Variants in IQSEC1 observed in about 807,000 individuals in gnomAD.
IQSEC1 encodes IQ motif and SEC7 domain-containing protein 1.
In IQSEC1, 31 loss-of-function variants were observed where a neutral mutation model predicts 91.0. The ratio of observed to expected loss-of-function variants is 0.34; its 90% CI spans 0.26 to 0.46. The LOEUF (loss-of-function observed/expected upper bound fraction) is 0.46. IQSEC1 is among the 20% of genes least tolerant of loss of function. The pLI is 1.00. For synonymous variants in IQSEC1, 699 were observed against 662.6 expected (o/e 1.05, Z -0.84); for missense variants, 1,388 against 1,575.6 (o/e 0.88, Z 2.02).
At chr3:12,927,379 G>C (rs115013251) in intron 3 of IQSEC1, among the ~76,000 whole-genome samples, 1,525 of 151,888 alleles carry the variant, frequency 0.01, 17 homozygotes, top group African/African-American at 0.035. Context: ...GACCCCTGCT[G>C]CCTGGTCCCT....
intron 1 of IQSEC1, among the ~76,000 whole-genome samples, chr3:12,958,606 G>A (rs1223036772): frequency 6.6e-6 from 1 of 152,230 alleles, no homozygotes; most frequent in Non-Finnish European, 1.5e-5. Flanking sequence ...CTAGAGGGAG[G>A]TGAGCTGGCC....
chr3:13,161,583 G>A (rs948482308), intron 2 of IQSEC1, among the ~76,000 whole-genome samples: 4 of 152,178 alleles, frequency 2.6e-5, no homozygotes, highest in South Asian at 2.1e-4. Context: ...CAGCCAAGTC[G>A]TCAGCTGCAT....
At chr3:12,905,069 A>C (rs1694823704) in intron 12 of IQSEC1, among the ~76,000 whole-genome samples, 1 of 152,208 alleles carries the variant, frequency 6.6e-6, no homozygotes, top group Non-Finnish European at 1.5e-5. Context: ...AGGTACACCC[A>C]CAACCATAAC....
chr3:13,029,526 A>G, intron 1 of IQSEC1, among the ~76,000 whole-genome samples: 1 of 152,002 alleles, frequency 6.6e-6, no homozygotes, highest in African/African-American at 2.4e-5. Context: ...CCTATTCACT[A>G]CCCCCTTCCT....
chr3:13,176,960 T>C (rs1354962680), intron 1 of IQSEC1, among the ~76,000 whole-genome samples: 1 of 152,256 alleles, frequency 6.6e-6, no homozygotes, highest in Non-Finnish European at 1.5e-5. Context: ...AACAGGTACA[T>C]ACTGCATTGA....
At chr3:13,276,474 C>G (rs1695683619) in intron 1 of IQSEC1, among the ~76,000 whole-genome samples, 1 of 152,204 alleles carries the variant, frequency 6.6e-6, no homozygotes, top group South Asian at 2.1e-4. Flanking sequence ...TGTATCTGCT[C>G]TCCCTGCACG....
chr3:13,152,775 C>T (rs1486202134), intron 2 of IQSEC1, among the ~76,000 whole-genome samples: 1 of 152,184 alleles, frequency 6.6e-6, no homozygotes, highest in Non-Finnish European at 1.5e-5. Context: ...GAGGCTGAGG[C>T]AGGAGAATCG....
At chr3:13,118,187 T>C (rs564731769) in intron 2 of IQSEC1, among the ~76,000 whole-genome samples, 1 of 152,328 alleles carries the variant, frequency 6.6e-6, no homozygotes, top group South Asian at 2.1e-4. Flanking sequence ...GAATTATATA[T>C]ATCCAAACAT....
chr3:12,993,329 A>C (rs761725503), intron 1 of IQSEC1, among the ~76,000 whole-genome samples: 129 of 152,288 alleles, frequency 8.5e-4, no homozygotes, highest in Middle Eastern at 6.8e-3. Context: ...GCCCTGCCAA[A>C]GCTTCTCCCT....
chr3:12,942,804 C>A (rs1438226103), intron 1 of IQSEC1, among the ~76,000 whole-genome samples: 1 of 152,162 alleles, frequency 6.6e-6, no homozygotes, highest in Non-Finnish European at 1.5e-5. Context: ...CCTGATCCAG[C>A]CTGACTGGTG....
intron 1 of IQSEC1, among the ~76,000 whole-genome samples, chr3:13,029,806 G>T (rs971122886): frequency 2.6e-5 from 4 of 152,222 alleles, no homozygotes; most frequent in Admixed American, 2.6e-4. Flanking sequence ...CCTGGGCTGG[G>T]TCCTCACCTC....
chr3:13,154,669 C>G (rs147635730), intron 2 of IQSEC1, among the ~76,000 whole-genome samples: 3 of 150,698 alleles, frequency 2.0e-5, no homozygotes, highest in Admixed American at 6.7e-5. Context: ...CTCAACAGAA[C>G]GCAGAGTCCT....
intron 1 of IQSEC1, among the ~76,000 whole-genome samples, chr3:13,199,116 T>TGGTGG (rs1201173128): frequency 6.6e-6 from 1 of 151,810 alleles, no homozygotes; most frequent in East Asian, 1.9e-4. Context: ...ACGGGGGAGC[T>TGGTGG]GGTGGGGCAG....
intron 1 of IQSEC1, among the ~76,000 whole-genome samples, chr3:13,255,796 C>G (rs1695275360): frequency 6.6e-6 from 1 of 152,202 alleles, no homozygotes; most frequent in Non-Finnish European, 1.5e-5. Context: ...GCCGGCCTTA[C>G]AGTGTTTCAA....
intron 1 of IQSEC1, among the ~76,000 whole-genome samples, chr3:13,240,150 G>A (rs1432879130): frequency 6.6e-6 from 1 of 152,046 alleles, no homozygotes; most frequent in East Asian, 1.9e-4. Context: ...AAGCTGAGGC[G>A]GGAGGATCAC....
At chr3:13,224,917 G>A (rs1694725808) in intron 1 of IQSEC1, among the ~76,000 whole-genome samples, 1 of 152,224 alleles carries the variant, frequency 6.6e-6, no homozygotes, top group South Asian at 2.1e-4. Flanking sequence ...CCACGGGGAC[G>A]TGTCCAGCAC....
rs1025902415 is a variant in IQSEC1 at position 13,030,773 on chromosome 3, G to C, written c.23+42219C>G. On this transcript the variant is annotated intron_variant, in intron 1 of 13. Coordinates refer to ENST00000613206, the MANE Select transcript of IQSEC1 (RefSeq NM_001134382.3). Reference sequence around the variant, plus strand: ...AAAAGACATTTTTGGAGACCCTTTGGGAGAGCTGAACATGAAAAACAGCAT... The same window carrying C: ...AAAAGACATTTTTGGAGACCCTTTGCGAGAGCTGAACATGAAAAACAGCAT... Among the ~76,000 whole-genome samples the C allele has an allele frequency of 8.5e-5, 13 of 152,344 alleles. 1 individual carries two copies. The highest frequency in any genetic ancestry group is 3.1e-4 in the African/African-American group (13 of 41,580).
chr3:13,199,440 C>A (rs750082101), intron 1 of IQSEC1, among the ~76,000 whole-genome samples: 11 of 152,194 alleles, frequency 7.2e-5, no homozygotes, highest in Non-Finnish European at 1.2e-4. Flanking sequence ...AGAGCAGCAG[C>A]CCCTTTCCAA....
intron 1 of IQSEC1, among the ~76,000 whole-genome samples, chr3:12,999,830 C>A (rs1306770832): frequency 1.3e-5 from 2 of 152,208 alleles, no homozygotes; most frequent in African/African-American, 4.8e-5. Flanking sequence ...CAATTTGTCC[C>A]TTCTAGCTCT....
Sources: gnomAD v4.1 joint callset for allele counts (sites outside exome capture counted in the v4.1 genomes callset) on GRCh38, gnomAD v4.1.1 for gene constraint, MANE v1.5 for transcripts, NCBI Gene and HGNC (gene_info 2026-07-23, HGNC 2026-07-21) for gene names.